USH2A: variants seen among roughly 807,000 people sequenced by gnomAD.
USH2A encodes the protein Usher syndrome 2A (autosomal recessive, mild).
In USH2A, 443 loss-of-function variants were observed where a neutral mutation model predicts 538.9. That is an observed-to-expected ratio of 0.82 (90% CI 0.76 to 0.89). The LOEUF is 0.89. Ranked by LOEUF, USH2A falls within the 40% of genes least tolerant of loss-of-function variation. The pLI is 0.00. For missense variants in USH2A, 6,633 were observed against 6,324.8 expected, an observed-to-expected ratio of 1.05 and a Z score of -1.65; for synonymous variants, 2,413 against 2,273.5, an observed-to-expected ratio of 1.06 and a Z score of -1.75.
chr1:216,273,434 A>G (rs1291072785), intron 11 of USH2A, among the ~76,000 whole-genome samples: 5 of 152,084 alleles, frequency 3.3e-5, no homozygotes, highest in Non-Finnish European at 5.9e-5. Flanking sequence ...AATAGGATAT[A>G]CTTAAAGATA....
chr1:215,905,662 C>T (rs1665622250), intron 38 of USH2A, among the ~76,000 whole-genome samples: 1 of 152,020 alleles, frequency 6.6e-6, no homozygotes, highest in South Asian at 2.1e-4. Context: ...GAAGCACTGC[C>T]CTGGGGGTAC....
At position 216,134,031 on chromosome 1, in the gene USH2A, T is replaced by G. The variant is rs573229745; in HGVS notation, c.4628-36818A>C. 2.0e-5 allele frequency among the ~76,000 whole-genome samples: 3 copies of G among 152,222 alleles called. No individual in the cohort carries two copies. The East Asian group carries it at 5.8e-4, about 29-fold the overall frequency. Reference sequence around the variant, plus strand: ...TCTAGGATATCTGCTCTGCATTGTGTTCTGTTTGCCAGTGAATACTAATAC... The same window carrying G: ...TCTAGGATATCTGCTCTGCATTGTGGTCTGTTTGCCAGTGAATACTAATAC... On this transcript the variant is annotated intron_variant, in intron 21 of 71. Coordinates refer to ENST00000307340, the MANE Select transcript of USH2A (RefSeq NM_206933.4).
At chr1:216,195,722 T>A (rs537409700) in intron 19 of USH2A, 1 of 164,994 alleles carries the variant, frequency 6.1e-6, no homozygotes, top group East Asian at 1.9e-4. Flanking sequence ...AAAGATCTTT[T>A]TATCTTATGC....
At chr1:216,050,274 C>T (rs983092666) in intron 30 of USH2A, among the ~76,000 whole-genome samples, 3 of 152,292 alleles carry the variant, frequency 2.0e-5, no homozygotes, top group Non-Finnish European at 2.9e-5. Flanking sequence ...GCCATATGTA[C>T]ATGGGCAAGT....
chr1:216,377,846 A>AGAAG (rs2102728727), intron 3 of USH2A, among the ~76,000 whole-genome samples: 1 of 133,288 alleles, frequency 7.5e-6, no homozygotes, highest in East Asian at 2.1e-4. Context: ...AAAGAAAGAA[A>AGAAG]GAAAGAAAGA....
At position 215,674,778 on chromosome 1, in the gene USH2A, G is replaced by A. The variant is rs570277510; in HGVS notation, c.13133C>T (p.Pro4378Leu). 66 of 1,614,100 alleles carry A rather than the reference G, an allele frequency of 4.1e-5. No individual in the cohort carries two copies. The African/African-American group carries it at 6.7e-4, about 16-fold the overall frequency. ...SATQMNVCWS[P>L]PTVQNGKITK... ...AATCTTTCCATTTTGCACTGTGGGCGGTGACCAACATACATTCATTTGAGT... is the reference window on the plus strand; with the variant it reads ...AATCTTTCCATTTTGCACTGTGGGCAGTGACCAACATACATTCATTTGAGT... Residue 4378 changes from proline (P) to leucine (L), a missense_variant, in exon 63 of 72, where the codon CCG (proline) becomes CTG (leucine). Pro to Leu is a moderately conservative substitution (Grantham distance 98, BLOSUM62 -3). Coordinates refer to ENST00000307340, the MANE Select transcript of USH2A (RefSeq NM_206933.4).
Position 215,900,035 on chromosome 1 carries a change from T to C in USH2A, c.7594+40A>G, listed in dbSNP as rs376590196. 19 of 1,613,034 alleles carry C rather than the reference T, an allele frequency of 1.2e-5. No homozygotes were observed. The African/African-American group carries it at 1.2e-4, about 10-fold the overall frequency. On this transcript the variant is annotated intron_variant, in intron 40 of 71. Transcript: ENST00000307340. ...AATTGAAGACATTTTAAGCTCCCTA[T>C]GTAGAAGACATTTGGCTGTGTATTG...
chr1:215,872,842 G>A (rs1380560255), intron 43 of USH2A, among the ~76,000 whole-genome samples: 1 of 151,864 alleles, frequency 6.6e-6, no homozygotes, highest in Non-Finnish European at 1.5e-5. Context: ...TTAAGAGCAT[G>A]GCATTCCTCC....
At position 215,674,356 on chromosome 1, in the gene USH2A, A is replaced by G. The variant is rs1657924165; in HGVS notation, c.13555T>C (p.Leu4519=). ...VTASNSQGGI[L]SPLVKDRTSP... ...GTTCGATCTTTGACAAGAGGACTCAAAATACCCCCTTGGCTGTTGCTGGCA... is the reference window on the plus strand; with the variant it reads ...GTTCGATCTTTGACAAGAGGACTCAGAATACCCCCTTGGCTGTTGCTGGCA... Residue 4519 remains leucine, a synonymous_variant, in exon 63 of 72, where the codon TTG becomes CTG. Coordinates refer to ENST00000307340, the MANE Select transcript of USH2A (RefSeq NM_206933.4). The G allele has an allele frequency of 6.2e-7, 1 of 1,613,854 alleles. No individual in the cohort carries two copies. Among genetic ancestry groups the G allele is most frequent in the Non-Finnish European group, 8.5e-7 (1 of 1,179,910 alleles).
intron 67 of USH2A, among the ~76,000 whole-genome samples, chr1:215,641,331 T>C (rs56783105): frequency 0.016 from 2,393 of 152,290 alleles, 53 homozygotes; most frequent in South Asian, 0.071. Flanking sequence ...TTGCAAACAG[T>C]AATTCAAGTA....
chr1:215,808,443 T>G (rs1478795413), intron 49 of USH2A, among the ~76,000 whole-genome samples: 1 of 152,104 alleles, frequency 6.6e-6, no homozygotes, highest in Non-Finnish European at 1.5e-5. Flanking sequence ...TTTAAAAATA[T>G]TTCATTTAAA....
chr1:215,849,321 T>G (rs1663955828), intron 44 of USH2A, among the ~76,000 whole-genome samples: 1 of 152,042 alleles, frequency 6.6e-6, no homozygotes, highest in Admixed American at 6.6e-5. Flanking sequence ...TGTAAAATCA[T>G]AAAAAGACAG....
At chr1:215,847,003 T>C (rs1340505380) in intron 44 of USH2A, among the ~76,000 whole-genome samples, 1 of 152,228 alleles carries the variant, frequency 6.6e-6, no homozygotes, top group African/African-American at 2.4e-5. Context: ...GTTTCTATAA[T>C]GTAGAGAAGC....
intron 11 of USH2A, among the ~76,000 whole-genome samples, chr1:216,287,042 AG>A (rs1222645349): frequency 6.6e-6 from 1 of 152,230 alleles, no homozygotes; most frequent in Admixed American, 6.5e-5. Flanking sequence ...TAAAATCCTT[AG>A]CAAAATTTTA....
intron 21 of USH2A, among the ~76,000 whole-genome samples, chr1:216,120,979 G>A (rs2033126937): frequency 6.6e-6 from 1 of 152,084 alleles, no homozygotes. Context: ...TATTTAACAT[G>A]TCATATTTGA....
intron 35 of USH2A, among the ~76,000 whole-genome samples, chr1:215,989,246 T>C (rs1265531037): frequency 6.6e-6 from 1 of 152,188 alleles, no homozygotes; most frequent in Non-Finnish European, 1.5e-5. Flanking sequence ...AGTCAAGATT[T>C]TGAAACCTGA....
intron 47 of USH2A, among the ~76,000 whole-genome samples, chr1:215,817,632 T>C (rs1459587577): frequency 2.6e-5 from 4 of 151,990 alleles, no homozygotes; most frequent in Non-Finnish European, 5.9e-5. Flanking sequence ...ATGATGGGAC[T>C]CCTATGGAGG....
At position 216,217,539 on chromosome 1, in the gene USH2A, C is replaced by A; in HGVS notation, c.3005G>T (p.Cys1002Phe). The change falls in exon 15 of 72, where the codon TGT becomes TTT. Residue 1002 changes from cysteine (C) to phenylalanine (F), a missense_variant. Cys to Phe is a radical substitution (Grantham distance 205). Coordinates refer to ENST00000307340, the MANE Select transcript of USH2A (RefSeq NM_206933.4). Reference protein sequence around the residue: ...FDPQTGRCQPCNCHLSGALNE... With the variant: ...FDPQTGRCQPFNCHLSGALNE... Reference sequence around the variant, plus strand: ...CAAGGCTCCTGAGAGATGACAATTACAAGGCTGACATCTGAAAACAAGGCA... The same window carrying A: ...CAAGGCTCCTGAGAGATGACAATTAAAAGGCTGACATCTGAAAACAAGGCA... The A allele has an allele frequency of 6.2e-7, 1 of 1,612,960 alleles. No individual in the cohort carries two copies. The highest frequency in any genetic ancestry group is 8.5e-7 in the Non-Finnish European group (1 of 1,179,264).
chr1:215,905,664 T>C (rs1478504386), intron 38 of USH2A, among the ~76,000 whole-genome samples: 1 of 152,046 alleles, frequency 6.6e-6, no homozygotes, highest in Non-Finnish European at 1.5e-5. Context: ...AGCACTGCCC[T>C]GGGGGTACTA....
Sources: allele counts gnomAD v4.1 joint callset (sites outside exome capture counted in the v4.1 genomes callset), GRCh38; gene constraint gnomAD v4.1.1; transcripts MANE v1.5; gene names NCBI Gene and HGNC (gene_info 2026-07-23, HGNC 2026-07-21).